OBI1: variants seen among roughly 807,000 people sequenced by gnomAD.
OBI1 encodes the protein ring finger protein 219.
A neutral mutation model predicts 62.4 loss-of-function variants in OBI1; 59 were observed. That is an observed-to-expected ratio of 0.95 (90% CI 0.77 to 1.17). The LOEUF (loss-of-function observed/expected upper bound fraction) is 1.17. OBI1 is among the 50% of genes most tolerant of loss of function. The pLI, the probability that OBI1 is intolerant of heterozygous loss-of-function variation, is 0.00. For synonymous variants in OBI1, 302 were observed against 292.8 expected (o/e 1.03, Z -0.32); for missense variants, 875 against 830.9 (o/e 1.05, Z -0.65).
At chr13:78,649,495 G>C (rs1422180173) in intron 1 of OBI1, among the ~76,000 whole-genome samples, 2 of 152,202 alleles carry the variant, frequency 1.3e-5, no homozygotes, top group African/African-American at 4.8e-5. Flanking sequence ...CTGTTTCAGC[G>C]AATGTTGGGG....
intron 1 of OBI1, among the ~76,000 whole-genome samples, chr13:78,656,896 C>A (rs1325534186): frequency 6.9e-6 from 1 of 145,148 alleles, no homozygotes; most frequent in Non-Finnish European, 1.5e-5. Flanking sequence ...CTCCCAGGTT[C>A]AAGCAATTCT....
intron 1 of OBI1, among the ~76,000 whole-genome samples, chr13:78,657,571 C>T (rs1876749488): frequency 6.6e-6 from 1 of 152,178 alleles, no homozygotes. Flanking sequence ...GTCTGCAAAT[C>T]ACTATATTCT....
intron 4 of OBI1, among the ~76,000 whole-genome samples, chr13:78,638,193 T>C (rs1876085698): frequency 6.6e-6 from 1 of 152,114 alleles, no homozygotes; most frequent in Non-Finnish European, 1.5e-5. Context: ...ATGGATCTTA[T>C]CTCCCTTTCT....
chr13:78,657,652 T>C (rs762018312), intron 1 of OBI1, among the ~76,000 whole-genome samples: 3 of 152,176 alleles, frequency 2.0e-5, no homozygotes, highest in Non-Finnish European at 2.9e-5. Flanking sequence ...GTCAATACAA[T>C]TGCAAAAGAC....
In OBI1 at chr13:78,616,810, G is replaced by T; in HGVS notation, c.951C>A (p.Ser317Arg). 1 of 1,614,206 alleles carries T rather than the reference G, an allele frequency of 6.2e-7. No homozygotes were observed. The change falls in exon 6 of 6, where the codon AGC (serine) becomes AGA (arginine). Residue 317 changes from serine (S) to arginine (R), a missense_variant. Coordinates refer to ENST00000282003, the MANE Select transcript of OBI1 (RefSeq NM_024546.4). ...CAGAACTGGTGTCACACAGTCTGCT[G>T]CTGGAAGGCTTCGCTAGGTGAGAAG... is the stretch of plus-strand genomic sequence containing the variant. ...SSSSHLAKPSSSRLCDTSSAR... is the reference protein window; with the variant it reads ...SSSSHLAKPSRSRLCDTSSAR...
chr13:78,635,305 C>T, intron 4 of OBI1, 107 bp from the exon 5 acceptor site: 1 of 668,024 alleles, frequency 1.5e-6, no homozygotes, highest in East Asian at 2.7e-5. Flanking sequence ...TATCAGAAAA[C>T]TGAATAGTAG....
intron 1 of OBI1, among the ~76,000 whole-genome samples, chr13:78,645,825 T>C (rs919240158): frequency 2.0e-5 from 3 of 152,174 alleles, no homozygotes; most frequent in South Asian, 2.1e-4. Context: ...CATTTTTCTA[T>C]TTTTAGGAGA....
chr13:78,645,774 C>A (rs1268435694), intron 1 of OBI1, among the ~76,000 whole-genome samples: 4 of 152,168 alleles, frequency 2.6e-5, no homozygotes, highest in Non-Finnish European at 5.9e-5. Context: ...TCTCAGCCTC[C>A]CGAGTAGCTG....
chr13:78,631,865 C>A (rs1384186561), intron 5 of OBI1, among the ~76,000 whole-genome samples: 2 of 152,016 alleles, frequency 1.3e-5, no homozygotes, highest in Non-Finnish European at 2.9e-5. Context: ...AAATGATAAC[C>A]AACACCTTCA....
In OBI1 at chr13:78,652,588, T is replaced by TC. The variant is rs1419778809; in HGVS notation, c.72+6460dup. 7.2e-5 allele frequency among the ~76,000 whole-genome samples: 11 copies of TC among 152,192 alleles called. No homozygotes were observed. The East Asian group carries it at 2.1e-3, about 29-fold the overall frequency. ...AGTAAAGTGGTATCCTAGGGAGCGGTCCCCAACCTTTTTGGCACTAGGGAC... is the reference window on the plus strand; with the variant it reads ...AGTAAAGTGGTATCCTAGGGAGCGGTCCCCCAACCTTTTTGGCACTAGGGAC... On this transcript the variant is annotated intron_variant, in intron 1 of 5. Transcript: ENST00000282003.
At chr13:78,649,101 G>A (rs75215391) in intron 1 of OBI1, among the ~76,000 whole-genome samples, 14,111 of 152,192 alleles carry the variant, frequency 0.093, 733 homozygotes, top group Middle Eastern at 0.15. Flanking sequence ...TTTTAGCCAT[G>A]CTAAATTTGT....
chr13:78,642,794 G>C (rs1203183107), intron 2 of OBI1, among the ~76,000 whole-genome samples: 3 of 152,134 alleles, frequency 2.0e-5, no homozygotes. Context: ...GGCTAAGGCA[G>C]GAGAATGGCA....
intron 5 of OBI1, among the ~76,000 whole-genome samples, chr13:78,622,414 G>A (rs530923413): frequency 7.9e-5 from 12 of 152,222 alleles, no homozygotes; most frequent in Non-Finnish European, 1.5e-4. Flanking sequence ...GGTTGATATG[G>A]GACAAAACCA....
chr13:78,653,897 A>T lies in OBI1; in HGVS notation c.72+5152T>A, dbSNP rs543086485. ...AGGATTAGTCTTCAGTGTAAAAATG[A>T]CTATGGTAGGGGCACCACTACTTCA... On this transcript the variant is annotated intron_variant, in intron 1 of 5. Coordinates refer to ENST00000282003, the MANE Select transcript of OBI1 (RefSeq NM_024546.4). 2.0e-5 allele frequency among the ~76,000 whole-genome samples: 3 copies of T among 152,310 alleles called. No individual in the cohort carries two copies. In the South Asian group the frequency reaches 6.2e-4, roughly 32 times the overall value.
At chr13:78,622,356 C>T (rs1379731386) in intron 5 of OBI1, among the ~76,000 whole-genome samples, 4 of 152,104 alleles carry the variant, frequency 2.6e-5, no homozygotes, top group African/African-American at 9.7e-5. Context: ...GCTGGAGGAT[C>T]GCTTGAGCCT....
intron 1 of OBI1, among the ~76,000 whole-genome samples, chr13:78,648,928 A>T (rs1876466028): frequency 6.6e-6 from 1 of 151,398 alleles, no homozygotes; most frequent in East Asian, 1.9e-4. Flanking sequence ...AAAAAAAAAA[A>T]GAATCAGTAT....
chr13:78,636,491 A>G (rs1876034907), intron 4 of OBI1, among the ~76,000 whole-genome samples: 1 of 152,246 alleles, frequency 6.6e-6, no homozygotes, highest in Non-Finnish European at 1.5e-5. Flanking sequence ...ATGAATTTCA[A>G]GAACTTCTGA....
chr13:78,630,431 T>G (rs1327387535), intron 5 of OBI1, among the ~76,000 whole-genome samples: 1 of 152,184 alleles, frequency 6.6e-6, no homozygotes, highest in African/African-American at 2.4e-5. Flanking sequence ...GTTCATGTTT[T>G]AGGATGCATT....
chr13:78,623,427 G>A (rs1056246440), intron 5 of OBI1, among the ~76,000 whole-genome samples: 13 of 152,126 alleles, frequency 8.5e-5, no homozygotes, highest in African/African-American at 3.1e-4. Flanking sequence ...TTGGCATCAA[G>A]CACAGTGCTA....
Sources: allele counts gnomAD v4.1 joint callset (sites outside exome capture counted in the v4.1 genomes callset), GRCh38; gene constraint gnomAD v4.1.1; transcripts MANE v1.5; gene names NCBI Gene and HGNC (gene_info 2026-07-23, HGNC 2026-07-21).